Variants in TMEM178B observed in about 807,000 individuals in gnomAD.
TMEM178B encodes transmembrane protein 178B.
Under a neutral mutation model 31.0 loss-of-function variants are expected in TMEM178B, and 5 were observed. The observed-to-expected ratio is 0.16, with a 90% CI of 0.08 to 0.34. TMEM178B has a LOEUF of 0.34. TMEM178B is among the 10% of genes least tolerant of loss of function. The pLI is 1.00. For missense variants in TMEM178B, 275 were observed against 400.3 expected (o/e 0.69, Z 2.67); for synonymous variants, 164 against 164.0 (o/e 1.00, Z 0.00).
chr7:141,216,377 A>G (rs1424894908), intron 2 of TMEM178B, among the ~76,000 whole-genome samples: 2 of 152,030 alleles, frequency 1.3e-5, no homozygotes, highest in Non-Finnish European at 2.9e-5. Flanking sequence ...ATCTAATTGT[A>G]AAGAAAGAAT....
rs183793985 is a variant in TMEM178B at position 141,285,069 on chromosome 7, A to C, written c.496+72365A>C. Among the ~76,000 whole-genome samples the C allele has an allele frequency of 2.6e-3, 396 of 151,686 alleles. 5 individuals carry two copies. Among genetic ancestry groups the C allele is most frequent in the African/African-American group, 9.0e-3 (371 of 41,404 alleles). Reference sequence around the variant, plus strand: ...GTGAAAGCTCTTTAAAAAAAAAAAAAAACTACATACGTTATTTGGATATCA... The same window carrying C: ...GTGAAAGCTCTTTAAAAAAAAAAAACAACTACATACGTTATTTGGATATCA... On this transcript the variant is annotated intron_variant, in intron 2 of 3. Transcript: ENST00000565468.
chr7:141,467,971 C>CAA (rs1011175319), intron 3 of TMEM178B, among the ~76,000 whole-genome samples: 2,262 of 74,896 alleles, frequency 0.03, 53 homozygotes, highest in African/African-American at 0.089. Flanking sequence ...GATGATCTTT[C>CAA]AAAAAAAAAA....
intron 2 of TMEM178B, among the ~76,000 whole-genome samples, chr7:141,217,849 G>A (rs1341004033): frequency 3.9e-5 from 6 of 152,018 alleles, no homozygotes; most frequent in Admixed American, 2.6e-4. Flanking sequence ...GATTGCCCCT[G>A]GCAGCGAGAA....
intron 1 of TMEM178B, among the ~76,000 whole-genome samples, chr7:141,112,428 A>G (rs1304800607): frequency 6.6e-6 from 1 of 151,988 alleles, no homozygotes; most frequent in South Asian, 2.1e-4. Context: ...TAATTTTTGT[A>G]TTTTTTGCAG....
chr7:141,337,155 C>G (rs1292837508), intron 2 of TMEM178B, among the ~76,000 whole-genome samples: 3 of 1,974 alleles, frequency 1.5e-3, no homozygotes, highest in Admixed American at 0.013. Flanking sequence ...ATCACCACCA[C>G]CATCACCACC....
intron 2 of TMEM178B, among the ~76,000 whole-genome samples, chr7:141,361,972 A>C (rs1345903417): frequency 5.3e-5 from 8 of 152,172 alleles, no homozygotes; most frequent in Non-Finnish European, 8.8e-5. Context: ...TTTCAAACTC[A>C]CCCTTCTTGG....
intron 2 of TMEM178B, among the ~76,000 whole-genome samples, chr7:141,246,256 A>G (rs1339390097): frequency 2.0e-5 from 3 of 152,246 alleles, no homozygotes; most frequent in Admixed American, 1.3e-4. Context: ...ATAAAAATGT[A>G]TTACCAAATA....
intron 1 of TMEM178B, chr7:141,172,955 C>T (rs778181044): frequency 6.6e-6 from 1 of 152,124 alleles, no homozygotes; most frequent in Non-Finnish European, 1.5e-5. Context: ...CTGTTGAAGT[C>T]CAGATTCTAC....
chr7:141,364,254 G>A (rs2116552517), intron 2 of TMEM178B, among the ~76,000 whole-genome samples: 1 of 152,314 alleles, frequency 6.6e-6, no homozygotes, highest in Admixed American at 6.5e-5. Context: ...CCCAGTAGCT[G>A]TATCATTTTA....
the TMEM178B span, among the ~76,000 whole-genome samples, chr7:141,485,589 C>T: frequency 6.6e-6 from 1 of 152,182 alleles, no homozygotes; most frequent in African/African-American, 2.4e-5. Flanking sequence ...TGCAAAGTCC[C>T]ACTGGCTAAT....
At chr7:141,143,025 T>A (rs192355368) in intron 1 of TMEM178B, among the ~76,000 whole-genome samples, 2 of 152,370 alleles carry the variant, frequency 1.3e-5, no homozygotes, top group Admixed American at 1.3e-4. Flanking sequence ...TATGTCTCTT[T>A]TTGAGAAGTG....
At chr7:141,081,122 G>C (rs532634257) in intron 1 of TMEM178B, among the ~76,000 whole-genome samples, 1 of 152,076 alleles carries the variant, frequency 6.6e-6, no homozygotes, top group Admixed American at 6.5e-5. Context: ...CCAGAAGAAG[G>C]CATTGTTATC....
intron 3 of TMEM178B, among the ~76,000 whole-genome samples, chr7:141,448,409 C>A (rs1181766): frequency 3.3e-5 from 5 of 151,968 alleles, no homozygotes; most frequent in African/African-American, 1.2e-4. Flanking sequence ...GGACTGGTGG[C>A]AACAGCAAGG....
At chr7:141,399,200 A>G (rs1487293364) in intron 2 of TMEM178B, among the ~76,000 whole-genome samples, 2 of 152,110 alleles carry the variant, frequency 1.3e-5, no homozygotes, top group African/African-American at 4.8e-5. Flanking sequence ...CCCCACTCAG[A>G]CCTTGCCTTT....
At chr7:141,392,548 C>T (rs1800562814) in intron 2 of TMEM178B, among the ~76,000 whole-genome samples, 1 of 152,182 alleles carries the variant, frequency 6.6e-6, no homozygotes, top group Non-Finnish European at 1.5e-5. Flanking sequence ...AGCCACATTG[C>T]CATGATCACA....
In TMEM178B at chr7:141,074,222, C is replaced by T; in HGVS notation, c.-89C>T. 1 of 1,434,800 alleles carries T rather than the reference C, an allele frequency of 7.0e-7. No individual in the cohort carries two copies. The highest frequency in any genetic ancestry group is 1.5e-5 in the South Asian group (1 of 67,732). The allele number at this position is 1,434,800 out of a possible 1,614,324, so 88.9% of individuals were successfully genotyped here. ...GTCCCTCTCCTGCCCCCTCCCCCAG[C>T]TCGGCCGCCCGCCGCTTTGTTCCGG... On this transcript the variant is annotated 5_prime_UTR_variant, in exon 1 of 4. Transcript: ENST00000565468. This position sits in a 1 kb window ranked among gnomAD's most constrained non-coding sequence, Gnocchi z 5.1.
the TMEM178B span, among the ~76,000 whole-genome samples, chr7:141,502,320 G>T: frequency 7.5e-6 from 1 of 133,708 alleles, no homozygotes; most frequent in East Asian, 1.9e-4. Context: ...AAGAGGCCGG[G>T]GATGGTGTCC....
At chr7:141,258,718 G>A (rs1797968278) in intron 2 of TMEM178B, among the ~76,000 whole-genome samples, 1 of 152,096 alleles carries the variant, frequency 6.6e-6, no homozygotes, top group Non-Finnish European at 1.5e-5. Flanking sequence ...TCAGTTTGCT[G>A]GATATAGAAT....
intron 3 of TMEM178B, among the ~76,000 whole-genome samples, chr7:141,451,616 G>A (rs1046614174): frequency 6.6e-6 from 1 of 152,124 alleles, no homozygotes; most frequent in African/African-American, 2.4e-5. Flanking sequence ...ACTCCACACG[G>A]CCATCTCATT....
Sources: allele counts gnomAD v4.1 joint callset (sites outside exome capture counted in the v4.1 genomes callset), GRCh38; gene constraint gnomAD v4.1.1; non-coding constraint Gnocchi (gnomAD v3.1); transcripts MANE v1.5; gene names NCBI Gene and HGNC (gene_info 2026-07-23, HGNC 2026-07-21).